SH3PXD2A: variants seen among roughly 807,000 people sequenced by gnomAD.
The protein encoded by SH3PXD2A is SH3 and PX domains 2A, also known as SH3 and PX domain-containing protein 2A.
SH3PXD2A carries 32 observed loss-of-function variants against 115.2 expected under a neutral mutation model. That is an observed-to-expected ratio of 0.28 (90% CI 0.21 to 0.37). SH3PXD2A has a LOEUF of 0.37. Ranked by LOEUF, SH3PXD2A falls within the 10% of genes least tolerant of loss-of-function variation. The probability of loss-of-function intolerance (pLI) is 1.00; values close to 1 mark genes in which losing one functional copy is unlikely to be tolerated. For synonymous variants in SH3PXD2A, 610 were observed against 629.1 expected (o/e 0.97, Z 0.45); for missense variants, 1,328 against 1,498.7 (o/e 0.89, Z 1.88).
intron 1 of SH3PXD2A, among the ~76,000 whole-genome samples, chr10:103,812,759 T>C (rs529022518): frequency 6.6e-6 from 1 of 152,310 alleles, no homozygotes; most frequent in African/African-American, 2.4e-5. Flanking sequence ...CACACCTTCC[T>C]CTCTGCTGTG....
At chr10:103,673,254 G>A (rs2037487926) in intron 6 of SH3PXD2A, 1 of 152,082 alleles carries the variant, frequency 6.6e-6, no homozygotes, top group Non-Finnish European at 1.5e-5. Flanking sequence ...TACTGCACTC[G>A]ACTGGTCTTA....
intron 11 of SH3PXD2A, among the ~76,000 whole-genome samples, chr10:103,615,320 C>T (rs2036494869): frequency 6.6e-6 from 1 of 152,198 alleles, no homozygotes; most frequent in Non-Finnish European, 1.5e-5. Context: ...GTTCCTTCAG[C>T]ACTACATGGG....
intron 6 of SH3PXD2A, among the ~76,000 whole-genome samples, chr10:103,680,540 G>C (rs2037594750): frequency 6.6e-6 from 1 of 152,170 alleles, no homozygotes; most frequent in South Asian, 2.1e-4. Flanking sequence ...GGTTCCCAAA[G>C]TGCTGGGATT....
rs1554929830 is a variant in SH3PXD2A, at chr10:103,845,173, A to AAT, written c.72+10021_72+10022insAT. Among the ~76,000 whole-genome samples, 5 of 149,538 alleles carry AAT rather than the reference A, an allele frequency of 3.3e-5. 1 individual carries two copies. Among genetic ancestry groups the AAT allele is most frequent in the Admixed American group, 3.3e-4 (5 of 15,116 alleles). On this transcript the variant is annotated intron_variant, in intron 1 of 14. Coordinates refer to ENST00000369774, the MANE Select transcript of SH3PXD2A (RefSeq NM_001394015.1). ...ACCCCATCTCCACCAAAAAAAAAAA[A>AAT]ACAAAAAATTAGCCGGGCATGGTGG...
intron 3 of SH3PXD2A, among the ~76,000 whole-genome samples, chr10:103,753,483 A>G (rs12762008): frequency 0.22 from 32,305 of 144,062 alleles, 3,880 homozygotes; most frequent in African/African-American, 0.28. Context: ...ACAACAGAGC[A>G]AGACCCCATC....
At chr10:103,670,493 G>A (rs1284977139) in intron 6 of SH3PXD2A, among the ~76,000 whole-genome samples, 1 of 152,174 alleles carries the variant, frequency 6.6e-6, no homozygotes, top group Non-Finnish European at 1.5e-5. Flanking sequence ...TGCCTCCCTG[G>A]GTTCAATCAG....
intron 7 of SH3PXD2A, among the ~76,000 whole-genome samples, chr10:103,663,051 C>T (rs192962886): frequency 1.5e-3 from 223 of 152,278 alleles, no homozygotes; most frequent in African/African-American, 4.2e-3. Context: ...GTGATCCTCC[C>T]GCCTCAGTCT....
intron 3 of SH3PXD2A, among the ~76,000 whole-genome samples, chr10:103,745,699 T>A (rs1157467862): frequency 1.3e-5 from 2 of 152,110 alleles, no homozygotes; most frequent in Non-Finnish European, 2.9e-5. Flanking sequence ...ACCCAGTCCA[T>A]CCACCTGGCT....
At chr10:103,775,084 C>T (rs1483118918) in intron 2 of SH3PXD2A, among the ~76,000 whole-genome samples, 1 of 152,174 alleles carries the variant, frequency 6.6e-6, no homozygotes, top group Non-Finnish European at 1.5e-5. Context: ...AGGACCTGTC[C>T]ACCCTGGCAA....
chr10:103,661,968 G>C (rs1217909461), intron 7 of SH3PXD2A: 2 of 985,136 alleles, frequency 2.0e-6, no homozygotes, highest in Non-Finnish European at 2.4e-6. Flanking sequence ...CCCAGGCGCT[G>C]CCACCGAGCC....
intron 8 of SH3PXD2A, among the ~76,000 whole-genome samples, chr10:103,659,938 C>T (rs546729053): frequency 1.6e-4 from 25 of 152,230 alleles, no homozygotes; most frequent in African/African-American, 4.8e-4. Context: ...CTCCCTTCCC[C>T]GCAACCTCCC....
At chr10:103,766,341 G>T (rs1482727560) in intron 3 of SH3PXD2A, among the ~76,000 whole-genome samples, 2 of 152,222 alleles carry the variant, frequency 1.3e-5, no homozygotes, top group East Asian at 3.9e-4. Flanking sequence ...AGAGCCAAGA[G>T]ACAGCATCGC....
At chr10:103,667,978 C>A (rs778234866) in intron 7 of SH3PXD2A, among the ~76,000 whole-genome samples, 1 of 152,232 alleles carries the variant, frequency 6.6e-6, no homozygotes, top group Non-Finnish European at 1.5e-5. Flanking sequence ...CCCTGAGGGC[C>A]ATCTCAGCCA....
chr10:103,720,893 G>A (rs1252483532), intron 5 of SH3PXD2A, among the ~76,000 whole-genome samples: 1 of 152,226 alleles, frequency 6.6e-6, no homozygotes, highest in African/African-American at 2.4e-5. Flanking sequence ...CAGAGACAGG[G>A]CCGGGCCCGG....
At chr10:103,636,996 G>A (rs1356348700) in intron 8 of SH3PXD2A, among the ~76,000 whole-genome samples, 1 of 152,210 alleles carries the variant, frequency 6.6e-6, no homozygotes, top group Non-Finnish European at 1.5e-5. Flanking sequence ...AGTACCTGGG[G>A]ATGCCCAGTG....
At chr10:103,649,108 T>G (rs1490082413) in intron 8 of SH3PXD2A, among the ~76,000 whole-genome samples, 1 of 152,198 alleles carries the variant, frequency 6.6e-6, no homozygotes, top group Non-Finnish European at 1.5e-5. Context: ...CCCTCTGAGC[T>G]GAAACTGGCC....
intron 2 of SH3PXD2A, among the ~76,000 whole-genome samples, chr10:103,793,964 A>G (rs1235216663): frequency 2.0e-5 from 3 of 152,214 alleles, no homozygotes; most frequent in Admixed American, 2.0e-4. Context: ...AAATTAACAC[A>G]GTTTGTTACC....
chr10:103,691,899 G>A (rs1481986372), intron 6 of SH3PXD2A, among the ~76,000 whole-genome samples: 2 of 152,076 alleles, frequency 1.3e-5, no homozygotes, highest in Non-Finnish European at 2.9e-5. Context: ...CAATAGGCAC[G>A]TGAGCAAGCA....
rs1564843741 is a variant in SH3PXD2A, at chr10:103,611,587, G to C, written c.1302C>G (p.Ser434=). The change falls in exon 13 of 15, where the codon TCC becomes TCG. Residue 434 remains serine, a synonymous_variant. Transcript: ENST00000369774. ...AGAAATTCAGTACACATACCAGGCT[G>C]GATTCTCTGCGTGGTGGAGGTCTTG... The part of the protein sequence containing the change: ...LRTRPPPRRE[S]SLGFQLPKPP... 3 of 1,613,874 alleles carry C rather than the reference G, an allele frequency of 1.9e-6. No homozygotes were observed. Among genetic ancestry groups the C allele is most frequent in the Non-Finnish European group, 2.5e-6 (3 of 1,179,836 alleles).
Sources: gnomAD v4.1 joint callset for allele counts (sites outside exome capture counted in the v4.1 genomes callset) on GRCh38, gnomAD v4.1.1 for gene constraint, MANE v1.5 for transcripts, NCBI Gene and HGNC (gene_info 2026-07-23, HGNC 2026-07-21) for gene names.